KCNIP1: variants seen among roughly 807,000 people sequenced by gnomAD.
KCNIP1 encodes the protein potassium voltage-gated channel interacting protein 1, also known as A-type potassium channel modulatory protein KCNIP1.
Under a neutral mutation model 33.0 loss-of-function variants are expected in KCNIP1, and 18 were observed. The ratio of observed to expected loss-of-function variants is 0.55; its 90% confidence interval spans 0.38 to 0.81. KCNIP1 has a LOEUF of 0.81. KCNIP1 is among the 30% of genes least tolerant of loss of function. KCNIP1 has a pLI of 0.00. For missense variants in KCNIP1, 238 were observed against 271.6 expected (o/e 0.88, Z 0.87); for synonymous variants, 93 against 98.3 (o/e 0.95, Z 0.32).
intron 1 of KCNIP1, among the ~76,000 whole-genome samples, chr5:170,634,186 G>A (rs972250684): frequency 6.6e-6 from 1 of 152,230 alleles, no homozygotes; most frequent in Non-Finnish European, 1.5e-5. Context: ...AGATGGAGAA[G>A]GCTGGTAGAG....
At chr5:170,561,720 T>C (rs1757040700) in intron 1 of KCNIP1, among the ~76,000 whole-genome samples, 1 of 152,160 alleles carries the variant, frequency 6.6e-6, no homozygotes, top group Non-Finnish European at 1.5e-5. Context: ...GTACACAAGG[T>C]AGTCTATTCA....
chr5:170,493,167 A>G (rs1276788770), intron 1 of KCNIP1, among the ~76,000 whole-genome samples: 2 of 152,122 alleles, frequency 1.3e-5, no homozygotes, highest in Admixed American at 6.5e-5. Context: ...TTTGTTTACT[A>G]TCTGTATCTG....
intron 1 of KCNIP1, among the ~76,000 whole-genome samples, chr5:170,474,064 G>A (rs1020303536): frequency 5.3e-5 from 8 of 152,178 alleles, no homozygotes; most frequent in Non-Finnish European, 8.8e-5. Flanking sequence ...TAGTTATTAT[G>A]AGAAACTGCA....
At chr5:170,573,336 T>C (rs1757485743) in intron 1 of KCNIP1, among the ~76,000 whole-genome samples, 1 of 152,170 alleles carries the variant, frequency 6.6e-6, no homozygotes, top group African/African-American at 2.4e-5. Context: ...ATCTCTTGCC[T>C]GGGGCCCAAT....
intron 1 of KCNIP1, among the ~76,000 whole-genome samples, chr5:170,475,019 A>AAGTGCTGATTGGTCCACTTTACAG (rs1756822773): frequency 6.6e-6 from 1 of 152,046 alleles, no homozygotes; most frequent in Non-Finnish European, 1.5e-5. Flanking sequence ...CCATTTTACA[A>AAGTGCTGATTGGTCCACTTTACAG]AGTGCTGATT....
At chr5:170,732,189 T>C (rs190339176) in intron 5 of KCNIP1, among the ~76,000 whole-genome samples, 1 of 152,298 alleles carries the variant, frequency 6.6e-6, no homozygotes, top group Non-Finnish European at 1.5e-5. Flanking sequence ...TCCCAAATGC[T>C]CTTTTACCCC....
intron 1 of KCNIP1, among the ~76,000 whole-genome samples, chr5:170,528,934 T>C (rs1471663293): frequency 6.6e-6 from 1 of 152,228 alleles, no homozygotes; most frequent in East Asian, 1.9e-4. Flanking sequence ...GGCAGTGTTA[T>C]TGCATGGGAG....
intron 1 of KCNIP1, among the ~76,000 whole-genome samples, chr5:170,443,916 T>C (rs1581198067): frequency 6.6e-6 from 1 of 152,010 alleles, no homozygotes; most frequent in South Asian, 2.1e-4. Flanking sequence ...GGGGCTGGGG[T>C]CTGCTTTCTC....
At chr5:170,704,766 C>T (rs918718518) in intron 1 of KCNIP1, among the ~76,000 whole-genome samples, 6 of 152,204 alleles carry the variant, frequency 3.9e-5, no homozygotes, top group Non-Finnish European at 5.9e-5. Flanking sequence ...TGCCATACAA[C>T]CTTCTTTTTA....
chr5:170,531,617 C>T (rs931153297), intron 1 of KCNIP1, among the ~76,000 whole-genome samples: 7 of 152,208 alleles, frequency 4.6e-5, no homozygotes, highest in African/African-American at 1.7e-4. Flanking sequence ...TTATGCCAAG[C>T]CTGCTCCTAA....
At chr5:170,640,541 A>G (rs1760500392) in intron 1 of KCNIP1, among the ~76,000 whole-genome samples, 2 of 152,184 alleles carry the variant, frequency 1.3e-5, no homozygotes, top group Admixed American at 6.5e-5. Context: ...CATTTCGAGG[A>G]AAAAAATGCA....
chr5:170,485,654 C>T (rs1255931998), intron 1 of KCNIP1, among the ~76,000 whole-genome samples: 2 of 152,174 alleles, frequency 1.3e-5, no homozygotes, highest in African/African-American at 4.8e-5. Flanking sequence ...CCCAAAGGGG[C>T]CAGGGAGAGG....
intron 1 of KCNIP1, among the ~76,000 whole-genome samples, chr5:170,580,771 TC>T: frequency 1.3e-5 from 2 of 152,350 alleles, no homozygotes; most frequent in Middle Eastern, 6.8e-3. Context: ...TGAAGATTTA[TC>T]AAGAGCCAGA....
chr5:170,564,871 C>T (rs944679819), intron 1 of KCNIP1, among the ~76,000 whole-genome samples: 4 of 152,036 alleles, frequency 2.6e-5, no homozygotes, highest in African/African-American at 7.3e-5. Flanking sequence ...TTACCAGTTA[C>T]ACTTTTTTTT....
intron 1 of KCNIP1, among the ~76,000 whole-genome samples, chr5:170,362,616 C>T (rs1763544287): frequency 6.6e-6 from 1 of 152,174 alleles, no homozygotes; most frequent in South Asian, 2.1e-4. Context: ...CACCACCCAG[C>T]AAGATTTCCT....
intron 1 of KCNIP1, among the ~76,000 whole-genome samples, chr5:170,573,041 C>A (rs191177040): frequency 6.6e-6 from 1 of 152,226 alleles, no homozygotes. Context: ...TGCTAAGCAG[C>A]AGAGCAGAGG....
At chr5:170,454,414 G>A (rs1017896566) in intron 1 of KCNIP1, among the ~76,000 whole-genome samples, 1 of 152,204 alleles carries the variant, frequency 6.6e-6, no homozygotes, top group Non-Finnish European at 1.5e-5. Context: ...TGAAGGACTA[G>A]AGGAGTGTAC....
At chr5:170,385,340 C>T (rs765682588) in intron 1 of KCNIP1, 14 of 1,614,066 alleles carry the variant, frequency 8.7e-6, no homozygotes, top group Admixed American at 1.7e-5. Context: ...GCAGCACAGT[C>T]GTGACCAGGA....
At chr5:170,729,164 T>C (rs933925189) in intron 5 of KCNIP1, among the ~76,000 whole-genome samples, 15 of 152,018 alleles carry the variant, frequency 9.9e-5, no homozygotes, top group Admixed American at 4.6e-4. Context: ...AAAAAAGAAC[T>C]AAAAATCATA....
Sources: allele counts gnomAD v4.1 joint callset (sites outside exome capture counted in the v4.1 genomes callset), GRCh38; gene constraint gnomAD v4.1.1; transcripts MANE v1.5; gene names NCBI Gene and HGNC (gene_info 2026-07-23, HGNC 2026-07-21).